Variants in SRGAP3 observed in about 807,000 individuals in gnomAD.
SRGAP3 encodes SLIT-ROBO Rho GTPase-activating protein 3.
Under a neutral mutation model 121.1 loss-of-function variants are expected in SRGAP3, and 39 were observed. That is an observed-to-expected ratio of 0.32 (90% CI 0.25 to 0.42). SRGAP3 has a LOEUF of 0.42. Among genes scored for constraint, SRGAP3 ranks in the 10% least tolerant of loss-of-function variants. The pLI, the probability that SRGAP3 is intolerant of heterozygous loss-of-function variation, is 1.00. For missense variants in SRGAP3, 1,213 were observed against 1,470.6 expected, an observed-to-expected ratio of 0.82 and a Z score of 2.86; for synonymous variants, 601 against 570.0, an observed-to-expected ratio of 1.05 and a Z score of -0.77.
intron 3 of SRGAP3, among the ~76,000 whole-genome samples, chr3:9,308,482 T>C (rs1303249108): frequency 6.6e-6 from 1 of 152,210 alleles, no homozygotes; most frequent in Admixed American, 6.5e-5. Flanking sequence ...GCCTGCCAGA[T>C]CTTTTTATGA....
In SRGAP3 at chr3:8,992,673, G is replaced by C. The variant is rs978078045; in HGVS notation, c.2558+233C>G. ...TATTATTTTAAATAAAAAAGCACTGGGTTCCCAACACATGTCTTTCCTCCT... is the reference window on the plus strand; with the variant it reads ...TATTATTTTAAATAAAAAAGCACTGCGTTCCCAACACATGTCTTTCCTCCT... On this transcript the variant is annotated intron_variant, in intron 20 of 21. Transcript: ENST00000383836. 4 of 622,632 alleles carry C rather than the reference G, an allele frequency of 6.4e-6. No individual in the cohort carries two copies. The African/African-American group carries it at 7.4e-5, about 11-fold the overall frequency. The allele number at this position is 622,632 out of a possible 1,614,324, so 38.6% of individuals were successfully genotyped here. A position where few individuals can be genotyped will look rare whatever the true frequency, so the allele number is the denominator to read the frequency against.
intron 1 of SRGAP3, among the ~76,000 whole-genome samples, chr3:9,360,773 A>G (rs139346201): frequency 6.6e-5 from 10 of 152,330 alleles, no homozygotes; most frequent in African/African-American, 2.4e-4. Context: ...CCATGATTCA[A>G]TCATCTCCCA....
At chr3:9,163,036 G>A (rs1051145649) in intron 1 of SRGAP3, among the ~76,000 whole-genome samples, 4 of 152,186 alleles carry the variant, frequency 2.6e-5, no homozygotes, top group Admixed American at 6.5e-5. Flanking sequence ...GGAGGTCACC[G>A]TACCTGCTTC....
chr3:9,199,326 C>T lies in SRGAP3; in HGVS notation c.67+49559G>A, dbSNP rs147021093. 6.3e-3 allele frequency among the ~76,000 whole-genome samples: 957 copies of T among 152,284 alleles called. 14 individuals carry two copies. The highest frequency in any genetic ancestry group is 0.021 in the African/African-American group (884 of 41,550). ...AGCATTCATAAATGCAAATGTGTAC[C>T]GGCAGAAGTCAGGGTGGAGGGTTCG... On this transcript the variant is annotated intron_variant, in intron 1 of 21. Transcript: ENST00000383836.
intron 1 of SRGAP3, among the ~76,000 whole-genome samples, chr3:9,151,871 G>C (rs1383270880): frequency 6.6e-6 from 1 of 152,202 alleles, no homozygotes. Flanking sequence ...AGCAGAAGCA[G>C]GCAACGGGAA....
At chr3:9,356,532 C>A (rs11710135) in intron 1 of SRGAP3, among the ~76,000 whole-genome samples, 12,371 of 151,780 alleles carry the variant, frequency 0.082, 655 homozygotes, top group Admixed American at 0.16. Context: ...GCCACCACAT[C>A]CGGCTAATTT....
intron 14 of SRGAP3, among the ~76,000 whole-genome samples, chr3:9,023,983 C>T (rs139951803): frequency 3.3e-5 from 5 of 152,234 alleles, no homozygotes; most frequent in East Asian, 1.9e-4. Context: ...CTTCCTCCAC[C>T]GCAGGATGGA....
chr3:9,305,934 T>A (rs59938791), intron 3 of SRGAP3, among the ~76,000 whole-genome samples: 122,538 of 152,210 alleles, frequency 0.81, 49,699 homozygotes, highest in East Asian at 0.94. Flanking sequence ...CAGCAATGGG[T>A]TTGCTAAGTC....
chr3:9,325,101 T>C (rs747955518), intron 3 of SRGAP3, among the ~76,000 whole-genome samples: 4 of 151,892 alleles, frequency 2.6e-5, no homozygotes, highest in Admixed American at 6.5e-5. Context: ...AATGTCCTCA[T>C]GGTCGCACAT....
At chr3:9,338,030 T>C (rs1955720270) in intron 1 of SRGAP3, among the ~76,000 whole-genome samples, 1 of 152,226 alleles carries the variant, frequency 6.6e-6, no homozygotes, top group Non-Finnish European at 1.5e-5. Flanking sequence ...CAGTAGAAGA[T>C]AATATGGATT....
chr3:9,195,103 C>G (rs1468551291), intron 1 of SRGAP3, among the ~76,000 whole-genome samples: 1 of 152,238 alleles, frequency 6.6e-6, no homozygotes, highest in Non-Finnish European at 1.5e-5. Flanking sequence ...CAAGACATCA[C>G]CGAAGGTGGA....
At chr3:9,342,318 T>G (rs1955800522) in intron 1 of SRGAP3, among the ~76,000 whole-genome samples, 2 of 150,012 alleles carry the variant, frequency 1.3e-5, no homozygotes, top group African/African-American at 4.9e-5. Context: ...GCCACTGTAC[T>G]CCAGCCTGGG....
At chr3:9,267,073 T>TATATATATTGC (rs1245992799) in intron 3 of SRGAP3, among the ~76,000 whole-genome samples, 1 of 152,168 alleles carries the variant, frequency 6.6e-6, no homozygotes, top group East Asian at 1.9e-4. Flanking sequence ...ATTTTGCAAG[T>TATATATATTGC]AAGGGTTCCT....
intron 2 of SRGAP3, among the ~76,000 whole-genome samples, chr3:9,106,692 C>G (rs1003497464): frequency 1.3e-5 from 2 of 152,148 alleles, no homozygotes; most frequent in Non-Finnish European, 2.9e-5. Context: ...TCTCTTGCCA[C>G]CACCATATAA....
chr3:9,014,260 A>T, intron 15 of SRGAP3: 1 of 288,278 alleles, frequency 3.5e-6, no homozygotes, highest in Non-Finnish European at 6.9e-6. Context: ...TAAGTTTTCC[A>T]GGTTCCCGAA....
intron 14 of SRGAP3, among the ~76,000 whole-genome samples, chr3:9,022,254 G>A (rs1252826434): frequency 6.6e-6 from 1 of 152,216 alleles, no homozygotes; most frequent in Non-Finnish European, 1.5e-5. Flanking sequence ...CTTGAACCTG[G>A]GAGGCGGAGG....
intron 1 of SRGAP3, among the ~76,000 whole-genome samples, chr3:9,150,311 G>A (rs2125053189): frequency 6.6e-6 from 1 of 152,150 alleles, no homozygotes; most frequent in South Asian, 2.1e-4. Context: ...GAGGAGGCAA[G>A]TGACCATCTG....
intron 3 of SRGAP3, among the ~76,000 whole-genome samples, chr3:9,270,873 T>C (rs1559253227): frequency 6.6e-6 from 1 of 152,162 alleles, no homozygotes; most frequent in African/African-American, 2.4e-5. Flanking sequence ...TTCCCGGAAA[T>C]GCCTTACCTC....
In SRGAP3 at chr3:9,104,664, C is replaced by A; in HGVS notation, c.423+16G>T. On this transcript the variant is annotated intron_variant, in intron 3 of 21. Coordinates refer to ENST00000383836, the MANE Select transcript of SRGAP3 (RefSeq NM_014850.4). Reference sequence around the variant, plus strand: ...GGGCAAAGACCTGGGACACGTAGAGCAGCCCACTTGCCTACCTTTTTGAAG... The same window carrying A: ...GGGCAAAGACCTGGGACACGTAGAGAAGCCCACTTGCCTACCTTTTTGAAG... The A allele has an allele frequency of 1.2e-6, 2 of 1,613,902 alleles. No individual in the cohort carries two copies. The highest frequency in any genetic ancestry group is 8.5e-7 in the Non-Finnish European group (1 of 1,179,866).
Sources: allele counts gnomAD v4.1 joint callset (sites outside exome capture counted in the v4.1 genomes callset), GRCh38; gene constraint gnomAD v4.1.1; transcripts MANE v1.5; gene names NCBI Gene and HGNC (gene_info 2026-07-23, HGNC 2026-07-21).